The following RHBDD1 variants were observed in gnomAD, a reference collection of about 807,000 sequenced individuals.
RHBDD1 encodes the protein rhomboid domain containing 1.
Under a neutral mutation model 36.3 loss-of-function variants are expected in RHBDD1, and 38 were observed. The observed-to-expected ratio is 1.05, with a 90% CI of 0.81 to 1.37. RHBDD1 has a LOEUF of 1.37. RHBDD1 is among the 40% of genes most tolerant of loss of function. The pLI is 0.00. For synonymous variants in RHBDD1, 151 were observed against 136.5 expected (o/e 1.11, Z -0.74); for missense variants, 393 against 377.6 (o/e 1.04, Z -0.34).
upstream of RHBDD1, among the ~76,000 whole-genome samples, chr2:226,834,358 C>T (rs1388800104): frequency 6.6e-6 from 1 of 152,206 alleles, no homozygotes. Context: ...TACTTTTCCC[C>T]GCATTCATTT....
chr2:226,981,288 C>T (rs557304707), intron 8 of RHBDD1, among the ~76,000 whole-genome samples: 19 of 152,096 alleles, frequency 1.2e-4, no homozygotes, highest in East Asian at 7.7e-4. Flanking sequence ...ATGGGTGCAG[C>T]GGGCCAGCAT....
intron 8 of RHBDD1, among the ~76,000 whole-genome samples, chr2:226,950,362 G>GAGGA (rs1434622543): frequency 6.6e-5 from 10 of 152,182 alleles, no homozygotes; most frequent in Non-Finnish European, 7.3e-5. Flanking sequence ...TGTTGGAAAT[G>GAGGA]ACAACATGGA....
intron 8 of RHBDD1, among the ~76,000 whole-genome samples, chr2:226,940,748 G>T: frequency 6.6e-6 from 1 of 152,132 alleles, no homozygotes; most frequent in East Asian, 1.9e-4. Flanking sequence ...GTTGGTTTCA[G>T]ATCAGGAAAC....
At chr2:226,905,139 G>A (rs570953119) in intron 5 of RHBDD1, among the ~76,000 whole-genome samples, 1 of 150,590 alleles carries the variant, frequency 6.6e-6, no homozygotes, top group South Asian at 2.1e-4. Flanking sequence ...CAGGCTGTGG[G>A]AATGCGTTCA....
chr2:226,814,299 C>T, the RHBDD1 span, among the ~76,000 whole-genome samples: 2 of 151,938 alleles, frequency 1.3e-5, no homozygotes, highest in South Asian at 4.2e-4. Context: ...AGAAAAGTAT[C>T]CTCTTCCCTT....
chr2:226,840,006 G>A (rs1941434575), intron 3 of RHBDD1, among the ~76,000 whole-genome samples: 1 of 152,078 alleles, frequency 6.6e-6, no homozygotes, highest in South Asian at 2.1e-4. Context: ...TGTTTTTTTA[G>A]AGTTAATTTT....
intron 8 of RHBDD1, among the ~76,000 whole-genome samples, chr2:226,956,776 C>T (rs934001380): frequency 3.9e-5 from 6 of 152,188 alleles, no homozygotes; most frequent in Admixed American, 2.0e-4. Context: ...AGGCAGTGAG[C>T]TGCAGGAATC....
In RHBDD1 at chr2:226,836,061, T is replaced by A. The variant is rs982800521; in HGVS notation, c.-418T>A. On this transcript the variant is annotated 5_prime_UTR_variant, in exon 1 of 9. Coordinates refer to ENST00000392062, the MANE Select transcript of RHBDD1 (RefSeq NM_001167608.3). ...GATGACGCACGTGCGCGCGAAGACG[T>A]GGGGACGCAGGCGGGTCGTAGAGAG... 1.3e-5 allele frequency: 2 copies of A among 152,350 alleles called. No homozygotes were observed. The highest frequency in any genetic ancestry group is 2.9e-5 in the Non-Finnish European group (2 of 67,956). 9.4% of individuals were successfully genotyped at this position (152,350 alleles called of 1,614,324 possible). A position where few individuals can be genotyped will look rare whatever the true frequency, so the allele number is the denominator to read the frequency against.
intron 8 of RHBDD1, among the ~76,000 whole-genome samples, chr2:226,962,974 G>C (rs1272266084): frequency 6.6e-6 from 1 of 152,098 alleles, no homozygotes; most frequent in Non-Finnish European, 1.5e-5. Context: ...ACTTTGGGCT[G>C]GATGATTCCT....
intron 8 of RHBDD1, 154 bp downstream of exon 8, chr2:226,914,505 G>A: frequency 2.5e-6 from 2 of 789,458 alleles, no homozygotes; most frequent in East Asian, 5.8e-5. Flanking sequence ...CAAAGAATGG[G>A]GTGTGATGCC....
rs536246187 is a variant in RHBDD1, at chr2:226,964,181, G to A, written c.857-31250G>A. On this transcript the variant is annotated intron_variant, in intron 8 of 8. Transcript: ENST00000392062. ...AGCCTTTCAGTAACCATCCTTCCCC[G>A]TTCCATTTACATTCATATTGTCCTC... 4.6e-5 allele frequency among the ~76,000 whole-genome samples: 7 copies of A among 152,124 alleles called. No individual in the cohort carries two copies. The East Asian group carries it at 5.8e-4, about 13-fold the overall frequency.
intron 2 of RHBDD1, among the ~76,000 whole-genome samples, chr2:226,839,060 G>A (rs924283175): frequency 4.6e-5 from 7 of 152,128 alleles, no homozygotes; most frequent in East Asian, 1.9e-4. Flanking sequence ...TTTAAAACAC[G>A]AATTCTTAAT....
At chr2:226,833,202 T>TATAA (rs1940785957), upstream of RHBDD1, among the ~76,000 whole-genome samples, 1 of 152,244 alleles carries the variant, frequency 6.6e-6, no homozygotes, top group African/African-American at 2.4e-5. Context: ...ACTAGAAAGC[T>TATAA]ATAAATTATC....
At chr2:226,913,494 G>A (rs569981611) in intron 7 of RHBDD1, among the ~76,000 whole-genome samples, 1 of 152,208 alleles carries the variant, frequency 6.6e-6, no homozygotes, top group African/African-American at 2.4e-5. Context: ...AAAGATCAAT[G>A]GAAATATCTT....
the RHBDD1 span, among the ~76,000 whole-genome samples, chr2:226,828,191 A>C: frequency 6.6e-6 from 1 of 152,174 alleles, no homozygotes; most frequent in Non-Finnish European, 1.5e-5. Flanking sequence ...CCTTTTCCAG[A>C]CATTTCATGT....
chr2:226,830,813 C>T (rs1052718345), upstream of RHBDD1, among the ~76,000 whole-genome samples: 3 of 151,942 alleles, frequency 2.0e-5, no homozygotes, highest in African/African-American at 7.3e-5. Context: ...GCTGGGACTA[C>T]AGGTGTGTGC....
intron 3 of RHBDD1, among the ~76,000 whole-genome samples, chr2:226,850,027 T>C (rs918276495): frequency 1.4e-4 from 21 of 152,258 alleles, no homozygotes; most frequent in African/African-American, 4.6e-4. Flanking sequence ...ATTCTGCTTT[T>C]TGGGGAAGCC....
At chr2:226,846,466 G>T (rs567281110) in intron 3 of RHBDD1, among the ~76,000 whole-genome samples, 4 of 152,170 alleles carry the variant, frequency 2.6e-5, no homozygotes, top group African/African-American at 9.6e-5. Context: ...AGTGTAGGCC[G>T]CGTACAGTGT....
Position 226,871,841 on chromosome 2 carries a change from A to G in RHBDD1, c.566+4523A>G, listed in dbSNP as rs572271084. Among the ~76,000 whole-genome samples the G allele has an allele frequency of 9.2e-5, 14 of 152,370 alleles. No homozygotes were observed. The East Asian group carries it at 2.3e-3, about 25-fold the overall frequency. ...AGGACATACATGCCAGGTGGCTCCT[A>G]TGTTAGGAATTACAAGTTTAATTAC... On this transcript the variant is annotated intron_variant, in intron 5 of 8. Coordinates refer to ENST00000392062, the MANE Select transcript of RHBDD1 (RefSeq NM_001167608.3).
Sources: allele counts gnomAD v4.1 joint callset (sites outside exome capture counted in the v4.1 genomes callset), GRCh38; gene constraint gnomAD v4.1.1; transcripts MANE v1.5; gene names NCBI Gene and HGNC (gene_info 2026-07-23, HGNC 2026-07-21).